The following CYP11B2 variants were observed in gnomAD, a reference collection of about 807,000 sequenced individuals.
The protein encoded by CYP11B2 is cytochrome P450 family 11 subfamily B member 2, also known as cytochrome P450 11B2, mitochondrial.
Under a neutral mutation model 49.3 loss-of-function variants are expected in CYP11B2, and 38 were observed. The ratio of observed to expected loss-of-function variants is 0.77; its 90% CI spans 0.59 to 1.01. The LOEUF (loss-of-function observed/expected upper bound fraction) is 1.01, where lower values mean the gene tolerates loss of function less well. Ranked by LOEUF, CYP11B2 falls within the 50% of genes least tolerant of loss-of-function variation. CYP11B2 has a pLI of 0.00. For missense variants in CYP11B2, 669 were observed against 655.5 expected, an observed-to-expected ratio of 1.02 and a Z score of -0.23; for synonymous variants, 290 against 269.3, an observed-to-expected ratio of 1.08 and a Z score of -0.75.
chr8:142,911,632 G>A lies in CYP11B2; in HGVS notation c.*348C>T. 2.9e-6 allele frequency: 1 copy of A among 348,410 alleles called. No individual in the cohort carries two copies. 21.6% of individuals were successfully genotyped at this position (348,410 alleles called of 1,614,324 possible). On this transcript the variant is annotated 3_prime_UTR_variant, in exon 9 of 9. Coordinates refer to ENST00000323110, the MANE Select transcript of CYP11B2 (RefSeq NM_000498.3). The stretch of plus-strand genomic sequence containing the variant: ...TGTGAGACTAGGCAGGAAGGCAAGG[G>A]ACAAAATCACAGCACCCTTGCATGG...
At position 142,912,635 on chromosome 8, in the gene CYP11B2, G is replaced by A. The variant is rs975373772; in HGVS notation, c.1293C>T (p.Ile431=). 3.1e-6 allele frequency: 5 copies of A among 1,614,102 alleles called. No individual in the cohort carries two copies. The highest frequency in any genetic ancestry group is 4.2e-6 in the Non-Finnish European group (5 of 1,180,048). The part of the protein sequence containing the change: ...ERYNPQRWLD[I]RGSGRNFHHV... ...GGTGGAAGTTCCTGCCGGAGCCCCT[G>A]ATGTCTAGCCAGCGCTGGGGATTAT... The change falls in exon 8 of 9, where the codon ATC becomes ATT. Residue 431 remains isoleucine, a synonymous_variant. Coordinates refer to ENST00000323110, the MANE Select transcript of CYP11B2 (RefSeq NM_000498.3).
Position 142,915,122 on chromosome 8 carries a change from C to T in CYP11B2, c.519G>A (p.Lys173=). 1 of 1,613,860 alleles carries T rather than the reference C, an allele frequency of 6.2e-7. No individual in the cohort carries two copies. The highest frequency in any genetic ancestry group is 8.5e-7 in the Non-Finnish European group (1 of 1,179,918). ...CCCGGGCGTTCTGCAGCACCTTCTT[C>T]TTCAGGGCCTGGGAGAAGTCCCTGG... ...AVARDFSQAL[K]KKVLQNARGS... The change falls in exon 3 of 9, where the codon AAG becomes AAA. Residue 173 remains lysine, a synonymous_variant. Transcript: ENST00000323110.
chr8:142,912,213 A>T, intron 8 of CYP11B2, 120 bp from the exon 9 acceptor site: 3 of 1,522,932 alleles, frequency 2.0e-6, no homozygotes, highest in Admixed American at 3.9e-5. Context: ...CCTGGGCCCC[A>T]ACCTATCCCA....
intron 3 of CYP11B2, 55 bp downstream of exon 3, chr8:142,914,991 C>A (rs1411005106): frequency 6.2e-7 from 1 of 1,611,998 alleles, no homozygotes; most frequent in East Asian, 2.2e-5. Context: ...TCCTCCATCC[C>A]CATCCCTGGC....
Position 142,911,845 on chromosome 8 carries a change from G to A in CYP11B2, c.*135C>T, listed in dbSNP as rs1219360713. 5 of 1,385,372 alleles carry A rather than the reference G, an allele frequency of 3.6e-6. No individual in the cohort carries two copies. Among genetic ancestry groups the A allele is most frequent in the East Asian group, 4.9e-5 (2 of 40,794 alleles). The allele number at this position is 1,385,372 out of a possible 1,614,324, so 85.8% of individuals were successfully genotyped here. A position where few individuals can be genotyped will look rare whatever the true frequency, so the allele number is the denominator to read the frequency against. On this transcript the variant is annotated 3_prime_UTR_variant, in exon 9 of 9. Transcript: ENST00000323110. ...GCCCCAGTCCTGGAGGCCCTGGGGA[G>A]TTCCATTTGTGCAGGAGCTGGCTGG... is the stretch of plus-strand genomic sequence containing the variant.
chr8:142,915,896 C>T (rs181124322), intron 2 of CYP11B2, among the ~76,000 whole-genome samples: 6 of 152,310 alleles, frequency 3.9e-5, no homozygotes, highest in African/African-American at 1.2e-4. Context: ...TTATGTCCAG[C>T]TGGCTGCTGT....
chr8:142,915,095 C>G lies in CYP11B2; in HGVS notation c.546G>C (p.Gly182=), dbSNP rs755038323. 2 of 1,613,764 alleles carry G rather than the reference C, an allele frequency of 1.2e-6. No homozygotes were observed. Among genetic ancestry groups the G allele is most frequent in the South Asian group, 1.1e-5 (1 of 90,970 alleles). ...TGGGCTGGACGTCCAGGGTCAGGCT[C>G]CCCCGGGCGTTCTGCAGCACCTTCT... ...LKKKVLQNAR[G]SLTLDVQPSI... is the part of the protein sequence containing the mutation. Residue 182 remains glycine, a synonymous_variant, in exon 3 of 9, where the codon GGG becomes GGC. Coordinates refer to ENST00000323110, the MANE Select transcript of CYP11B2 (RefSeq NM_000498.3).
chr8:142,912,144 T>C, intron 8 of CYP11B2, 51 bp from the exon 9 acceptor site: 1 of 1,612,586 alleles, frequency 6.2e-7, no homozygotes, highest in South Asian at 1.1e-5. Context: ...CCCATGGACC[T>C]GGGGCAGCTT....
Position 142,912,007 on chromosome 8 carries a change from G to A in CYP11B2, c.1485C>T (p.Pro495=), listed in dbSNP as rs1018041655. 16 of 1,613,910 alleles carry A rather than the reference G, an allele frequency of 9.9e-6. No individual in the cohort carries two copies. Among genetic ancestry groups the A allele is most frequent in the Non-Finnish European group, 1.4e-5 (16 of 1,179,964 alleles). ...AGTTAATCGCTCTGAAAGTGAGGAG[G>A]GGGGACGTGCCAGGCCTCAATATGA... ...YSFILRPGTS[P]LLTFRAIN The change falls in exon 9 of 9, where the codon CCC becomes CCT. Residue 495 remains proline, a synonymous_variant. Transcript: ENST00000323110.
chr8:142,916,926 C>T (rs1437382269), intron 2 of CYP11B2, 133 bp downstream of exon 2: 190 of 1,394,068 alleles, frequency 1.4e-4, no homozygotes, highest in Non-Finnish European at 1.7e-4. Context: ...TCCTCTGGGC[C>T]GGGTGCTCAC....
At chr8:142,914,666 G>A in intron 4 of CYP11B2, 39 bp downstream of exon 4, 1 of 1,557,720 alleles carries the variant, frequency 6.4e-7, no homozygotes, top group South Asian at 1.2e-5. Flanking sequence ...CCCCCATGGT[G>A]TCCCTTCCCC....
intron 2 of CYP11B2, chr8:142,916,332 C>T (rs1817645089): frequency 2.2e-6 from 1 of 445,880 alleles, no homozygotes; most frequent in South Asian, 1.6e-5. Context: ...AATAGCGTTC[C>T]CTTCCTACCA....
At position 142,917,092 on chromosome 8, in the gene CYP11B2, T is replaced by G; in HGVS notation, c.362A>C (p.Gln121Pro). The G allele has an allele frequency of 6.2e-7, 1 of 1,614,214 alleles. No individual in the cohort carries two copies. ...MILEPWVAYR[Q>P]HRGHKCGVFL... The stretch of plus-strand genomic sequence containing the variant: ...CACGCCACATTTGTGCCCACGATGT[T>G]GTCTGTAGGCCACCCAGGGCTCCAG... Residue 121 changes from glutamine (Q) to proline (P), a missense_variant, in exon 2 of 9, where the codon CAA (glutamine) becomes CCA (proline). Transcript: ENST00000323110.
chr8:142,917,001 C>G, intron 2 of CYP11B2, 58 bp downstream of exon 2: 1 of 1,602,440 alleles, frequency 6.2e-7, no homozygotes, highest in Non-Finnish European at 8.5e-7. Flanking sequence ...CTCGCCTCCC[C>G]CCTACACCCA....
intron 1 of CYP11B2, 94 bp downstream of exon 1, chr8:142,917,508 C>T (rs1390609787): frequency 1.2e-6 from 2 of 1,613,286 alleles, no homozygotes; most frequent in African/African-American, 1.3e-5. Flanking sequence ...GTGCCGGGAC[C>T]TGCTGGGAAT....
In CYP11B2 at chr8:142,916,449, C is replaced by T. The variant is rs1434733287; in HGVS notation, c.395+610G>A. ...CTCCAAGCATCAGCCTCTCCCTGCCCACCTGACCAGGCGCCACCCTCTCCA... is the reference window on the plus strand; with the variant it reads ...CTCCAAGCATCAGCCTCTCCCTGCCTACCTGACCAGGCGCCACCCTCTCCA... On this transcript the variant is annotated intron_variant, in intron 2 of 8. Transcript: ENST00000323110. 1.3e-5 allele frequency: 6 copies of T among 456,552 alleles called. No individual in the cohort carries two copies. In the East Asian group the frequency reaches 4.2e-4, roughly 32 times the overall value. The allele number at this position is 456,552 out of a possible 1,614,324, so 28.3% of individuals were successfully genotyped here.
rs191867065 is a variant in CYP11B2, at chr8:142,915,809, G to A, written c.396-564C>T. Among the ~76,000 whole-genome samples, 554 of 151,628 alleles carry A rather than the reference G, an allele frequency of 3.7e-3. 4 individuals are homozygous for A. The highest frequency in any genetic ancestry group is 0.013 in the African/African-American group (534 of 41,520). ...TCCTCACCCACAGCCAGAGTGCGTG[G>A]GGGCTCCATGGATGCCCCCAGGGAA... On this transcript the variant is annotated intron_variant, in intron 2 of 8. Transcript: ENST00000323110.
rs61757297 is a variant in CYP11B2, at chr8:142,913,308, C to T, written c.1098G>A (p.Arg366=). 1 of 1,613,356 alleles carries T rather than the reference C, an allele frequency of 6.2e-7. No homozygotes were observed. The highest frequency in any genetic ancestry group is 8.5e-7 in the Non-Finnish European group (1 of 1,179,920). Residue 366 remains arginine (R), a synonymous_variant, in exon 6 of 9, where the codon CGG becomes CGA. Coordinates refer to ENST00000323110, the MANE Select transcript of CYP11B2 (RefSeq NM_000498.3). Reference sequence around the variant, plus strand: ...ACCGCAAGGTCTCCTTGAGGGCCGCCCGCAGCAAGGGCAGCTCGGTGGTTG... The same window carrying T: ...ACCGCAAGGTCTCCTTGAGGGCCGCTCGCAGCAAGGGCAGCTCGGTGGTTG... The part of the protein sequence containing the change: ...QKATTELPLL[R]AALKETLRLY...
In CYP11B2 at chr8:142,917,776, CG is replaced by C. The variant is rs1158201649; in HGVS notation, c.64del (p.Arg22GlyfsTer29). 2 of 1,614,076 alleles carry C rather than the reference CG, an allele frequency of 1.2e-6. No individual in the cohort carries two copies. The highest frequency in any genetic ancestry group is 1.7e-6 in the Non-Finnish European group (2 of 1,180,056). On this transcript the variant is annotated frameshift_variant, in exon 1 of 9. Transcript: ENST00000323110. LOFTEE classifies it high-confidence loss of function. Reference sequence around the variant, plus strand: ...CCGAGCGGCTCTAGTGCCCAGTGCCCGTGCCCTTTGCAGGGACAGCCAGGGC... The same window carrying C: ...CCGAGCGGCTCTAGTGCCCAGTGCCCTGCCCTTTGCAGGGACAGCCAGGGC... The part of the protein sequence containing the change: ...AAPWLSLQRA[R>X]ALGTRAARAP...
Sources: allele counts gnomAD v4.1 joint callset (sites outside exome capture counted in the v4.1 genomes callset), GRCh38; gene constraint gnomAD v4.1.1; transcripts MANE v1.5; gene names NCBI Gene and HGNC (gene_info 2026-07-23, HGNC 2026-07-21).